Variants in RAPGEF5 observed in about 807,000 individuals in gnomAD.
The protein encoded by RAPGEF5 is M-Ras-regulated GEF.
Under a neutral mutation model 125.2 loss-of-function variants are expected in RAPGEF5, and 65 were observed. The ratio of observed to expected loss-of-function variants is 0.52; its 90% CI spans 0.43 to 0.64. RAPGEF5 has a LOEUF of 0.64. Among genes scored for constraint, RAPGEF5 ranks in the 30% least tolerant of loss-of-function variants. The probability of loss-of-function intolerance (pLI) is 0.00; values close to 1 mark genes in which losing one functional copy is unlikely to be tolerated. For synonymous variants in RAPGEF5, 391 were observed against 385.9 expected (o/e 1.01, Z -0.16); for missense variants, 958 against 1,048.1 (o/e 0.91, Z 1.19).
At chr7:22,302,122 C>G (rs913326934) in intron 5 of RAPGEF5, among the ~76,000 whole-genome samples, 5 of 152,222 alleles carry the variant, frequency 3.3e-5, no homozygotes, top group Non-Finnish European at 7.3e-5. Flanking sequence ...GTTCATCTTC[C>G]TCACCTAAAC....
chr7:22,169,609 C>A (rs982722386), intron 11 of RAPGEF5, among the ~76,000 whole-genome samples: 5 of 150,874 alleles, frequency 3.3e-5, no homozygotes, highest in Admixed American at 6.6e-5. Flanking sequence ...AATCCCAGCA[C>A]TTTGAGAGGC....
intron 16 of RAPGEF5, 23 bp from the exon 17 acceptor site, chr7:22,154,627 T>A (rs1236254934): frequency 6.2e-7 from 1 of 1,608,928 alleles, no homozygotes; most frequent in Non-Finnish European, 8.5e-7. Context: ...AAAGAATTGT[T>A]TGGAAACAGA....
At chr7:22,275,009 A>G (rs1428408544) in intron 6 of RAPGEF5, among the ~76,000 whole-genome samples, 2 of 152,116 alleles carry the variant, frequency 1.3e-5, no homozygotes, top group Non-Finnish European at 2.9e-5. Context: ...GAAGCTTATT[A>G]AAATATGGCA....
chr7:22,275,060 A>G (rs1441571297), intron 6 of RAPGEF5, among the ~76,000 whole-genome samples: 1 of 152,050 alleles, frequency 6.6e-6, no homozygotes, highest in South Asian at 2.1e-4. Context: ...TCTTTGCCCC[A>G]GGTCTTTTCA....
At chr7:22,258,356 C>G (rs1301104186) in intron 7 of RAPGEF5, among the ~76,000 whole-genome samples, 1 of 152,146 alleles carries the variant, frequency 6.6e-6, no homozygotes, top group Admixed American at 6.5e-5. Flanking sequence ...TACGGTGGCT[C>G]ACGCCTGTAA....
intron 9 of RAPGEF5, among the ~76,000 whole-genome samples, chr7:22,206,431 G>C (rs1042148182): frequency 5.3e-5 from 8 of 152,298 alleles, no homozygotes; most frequent in South Asian, 2.1e-4. Flanking sequence ...GCCAATCTCA[G>C]TGGCTAATGC....
chr7:22,218,665 C>G (rs1785700273), intron 9 of RAPGEF5, among the ~76,000 whole-genome samples: 1 of 152,144 alleles, frequency 6.6e-6, no homozygotes, highest in African/African-American at 2.4e-5. Context: ...CCTAAGGACA[C>G]AGCAGAGGTT....
chr7:22,309,083 T>C (rs1254023194), intron 4 of RAPGEF5, among the ~76,000 whole-genome samples: 1 of 152,216 alleles, frequency 6.6e-6, no homozygotes, highest in Non-Finnish European at 1.5e-5. Context: ...ATGTCAATAC[T>C]ACCAAGGTGG....
chr7:22,345,040 T>C (rs1275551844), intron 1 of RAPGEF5, among the ~76,000 whole-genome samples: 2 of 152,214 alleles, frequency 1.3e-5, no homozygotes, highest in East Asian at 3.8e-4. Context: ...GATTGGGCCC[T>C]GTCCATGAGC....
At chr7:22,206,936 T>A (rs924956737) in intron 9 of RAPGEF5, among the ~76,000 whole-genome samples, 1 of 152,112 alleles carries the variant, frequency 6.6e-6, no homozygotes, top group African/African-American at 2.4e-5. Flanking sequence ...AAATAACTTG[T>A]CCAAATCAAT....
intron 9 of RAPGEF5, among the ~76,000 whole-genome samples, chr7:22,217,010 G>A (rs559224855): frequency 2.0e-5 from 3 of 152,326 alleles, no homozygotes; most frequent in Admixed American, 6.5e-5. Flanking sequence ...CTTTGCCTGT[G>A]CAGTAGTGCT....
chr7:22,134,426 T>G (rs1783015338), intron 23 of RAPGEF5, among the ~76,000 whole-genome samples: 1 of 152,234 alleles, frequency 6.6e-6, no homozygotes, highest in Non-Finnish European at 1.5e-5. Context: ...GAAATTTGTC[T>G]TGCTGCCAAC....
intron 24 of RAPGEF5, 99 bp downstream of exon 24, chr7:22,130,938 A>G (rs1562704451): frequency 2.0e-6 from 3 of 1,469,762 alleles, no homozygotes; most frequent in African/African-American, 1.4e-5. Flanking sequence ...CATGCATCCA[A>G]TGGAGAAAAG....
At chr7:22,335,257 G>T (rs1339833353) in intron 1 of RAPGEF5, among the ~76,000 whole-genome samples, 1 of 152,174 alleles carries the variant, frequency 6.6e-6, no homozygotes, top group Non-Finnish European at 1.5e-5. Context: ...CATGTGATCA[G>T]CTACACAAGT....
At chr7:22,169,482 A>G (rs76597829) in intron 11 of RAPGEF5, among the ~76,000 whole-genome samples, 3,881 of 152,226 alleles carry the variant, frequency 0.025, 147 homozygotes, top group African/African-American at 0.089. Context: ...GTTGAAGAGT[A>G]ATGTTTACAA....
Position 22,170,087 on chromosome 7 carries a change from TTTTG to T in RAPGEF5, c.1205-2943_1205-2940del, listed in dbSNP as rs1257386738. 2.0e-5 allele frequency among the ~76,000 whole-genome samples: 3 copies of T among 151,960 alleles called. No individual in the cohort carries two copies. The South Asian group carries it at 6.2e-4, about 32-fold the overall frequency. ...AGCAGCAAGGACAACAGAGTAGTTT[TTTTG>T]TTTGTTTGTTTGTTTTTGAGACTGT... On this transcript the variant is annotated intron_variant, in intron 11 of 25. Transcript: ENST00000665637.
At chr7:22,215,089 G>T (rs553818029) in intron 9 of RAPGEF5, among the ~76,000 whole-genome samples, 1 of 152,012 alleles carries the variant, frequency 6.6e-6, no homozygotes, top group Non-Finnish European at 1.5e-5. Context: ...ATGCTGAGTC[G>T]TTCCTCATTA....
chr7:22,206,421 G>T (rs1004617612), intron 9 of RAPGEF5, among the ~76,000 whole-genome samples: 2 of 152,120 alleles, frequency 1.3e-5, no homozygotes, highest in African/African-American at 4.8e-5. Flanking sequence ...TCCAAGTGAG[G>T]CCAATCTCAG....
At chr7:22,133,191 G>A (rs997492427) in intron 23 of RAPGEF5, among the ~76,000 whole-genome samples, 5 of 152,126 alleles carry the variant, frequency 3.3e-5, no homozygotes, top group Non-Finnish European at 7.3e-5. Flanking sequence ...GAGGGGCCAG[G>A]GCCTGTCAGG....
Sources: allele counts gnomAD v4.1 joint callset (sites outside exome capture counted in the v4.1 genomes callset), GRCh38; gene constraint gnomAD v4.1.1; transcripts MANE v1.5; gene names NCBI Gene and HGNC (gene_info 2026-07-23, HGNC 2026-07-21).